PRKX: variants seen among roughly 807,000 people sequenced by gnomAD.
The protein encoded by PRKX is protein kinase cAMP-dependent X-linked catalytic subunit, also known as cAMP-dependent protein kinase catalytic subunit PRKX.
Under a neutral mutation model 22.0 loss-of-function variants are expected in PRKX, and 12 were observed. That is an observed-to-expected ratio of 0.54 (90% confidence interval 0.35 to 0.88). The LOEUF is 0.88. Ranked by LOEUF, PRKX falls within the 40% of genes least tolerant of loss-of-function variation. The pLI, the probability that PRKX is intolerant of heterozygous loss-of-function variation, is 0.01. For missense variants in PRKX, 217 were observed against 308.0 expected (o/e 0.70, Z 2.21); for synonymous variants, 134 against 137.7 (o/e 0.97, Z 0.19).
intron 4 of PRKX, among the ~76,000 whole-genome samples, chrX:3,634,660 A>C (rs1382415400): frequency 1.8e-5 from 2 of 111,306 alleles, no homozygotes; most frequent in Admixed American, 9.6e-5. Context: ...AGAGATTCAC[A>C]AAACCCAGAA....
intron 1 of PRKX, among the ~76,000 whole-genome samples, chrX:3,684,107 C>T (rs796118803): frequency 9.0e-6 from 1 of 110,634 alleles, no homozygotes; most frequent in Non-Finnish European, 1.9e-5. Context: ...AAAAATTAGC[C>T]GGGTGGTAGT....
rs1214786031 is a variant in PRKX at position 3,646,445 on chromosome X, CAG to C, written c.600-4476_600-4475del. 1.3e-4 allele frequency among the ~76,000 whole-genome samples: 14 copies of C among 111,930 alleles called. 1 individual carries two copies. The highest frequency in any genetic ancestry group is 2.3e-4 in the Non-Finnish European group (12 of 53,188). On this transcript the variant is annotated intron_variant, in intron 3 of 8. Coordinates refer to ENST00000262848, the MANE Select transcript of PRKX (RefSeq NM_005044.5). ...CATGGTGAGCATGTCACTCAGCTAA[CAG>C]GGGCATGGTAGGGCTCAGGAGGAAG...
At chrX:3,665,955 T>C (rs1458988703) in intron 2 of PRKX, among the ~76,000 whole-genome samples, 1 of 98,375 alleles carries the variant, frequency 1.0e-5, no homozygotes, top group Non-Finnish European at 2.1e-5. Context: ...GGGTGGCGGT[T>C]GCACAGAAAC....
intron 1 of PRKX, among the ~76,000 whole-genome samples, chrX:3,706,689 G>A (rs969978797): frequency 1.8e-5 from 2 of 112,159 alleles, no homozygotes; most frequent in Non-Finnish European, 3.8e-5. Flanking sequence ...CTTCTTTGCA[G>A]CGTGCCCATG....
At chrX:3,698,473 C>T (rs1019730017) in intron 1 of PRKX, among the ~76,000 whole-genome samples, 1 of 111,306 alleles carries the variant, frequency 9.0e-6, no homozygotes, top group Non-Finnish European at 1.9e-5. Context: ...AGGCATGAGC[C>T]ACCGTGTCCA....
chrX:3,618,631 T>A (rs1391110074), intron 6 of PRKX, among the ~76,000 whole-genome samples: 2 of 110,783 alleles, frequency 1.8e-5, no homozygotes, highest in African/African-American at 6.6e-5. Context: ...AAAAAAAAAA[T>A]AAAATAAAGT....
intron 3 of PRKX, among the ~76,000 whole-genome samples, chrX:3,652,695 T>G (rs974732920): frequency 8.9e-6 from 1 of 112,347 alleles, no homozygotes; most frequent in African/African-American, 3.2e-5. Flanking sequence ...AATGTATCCC[T>G]TAAACCTTAT....
chrX:3,635,074 CTGAT>C (rs1213407267), intron 4 of PRKX, among the ~76,000 whole-genome samples: 2 of 111,815 alleles, frequency 1.8e-5, no homozygotes, highest in Non-Finnish European at 3.8e-5. Context: ...ATGTTCTCCT[CTGAT>C]TATTTAACTT....
intron 1 of PRKX, among the ~76,000 whole-genome samples, chrX:3,676,620 G>A (rs1174053611): frequency 8.9e-6 from 1 of 112,310 alleles, no homozygotes; most frequent in East Asian, 2.8e-4. Flanking sequence ...ATTATGTTCA[G>A]TGAAATAAGA....
In PRKX at chrX:3,663,469, A is replaced by ACACACACACACAC. The variant is rs1569054438; in HGVS notation, c.336-8058_336-8057insGTGTGTGTGTGTG. ...ACACACACACACACACACACACACA[A>ACACACACACACAC]AAAAATTCAATTAGCTGGACATAGT... On this transcript the variant is annotated intron_variant, in intron 2 of 8. Coordinates refer to ENST00000262848, the MANE Select transcript of PRKX (RefSeq NM_005044.5). Among the ~76,000 whole-genome samples the ACACACACACACAC allele has an allele frequency of 8.9e-3, 470 of 52,825 alleles. 8 individuals carry two copies. The highest frequency in any genetic ancestry group is 0.015 in the Middle Eastern group (1 of 65). 45.9% of individuals were successfully genotyped at this position (52,825 alleles called of 115,157 possible).
chrX:3,713,157 TG>T lies in PRKX; in HGVS notation c.96del (p.Ser33AlafsTer34). 1 of 1,137,558 alleles carries T rather than the reference TG, an allele frequency of 8.8e-7. No homozygotes were observed. The allele number at this position is 1,137,558 out of a possible 1,213,427, so 93.7% of individuals were successfully genotyped here. A position where few individuals can be genotyped will look rare whatever the true frequency, so the allele number is the denominator to read the frequency against. On this transcript the variant is annotated frameshift_variant, in exon 1 of 9. Transcript: ENST00000262848. LOFTEE classifies it high-confidence loss of function. ...GGCTCCGGCGACAGCGCCTCAGGGCTGGGGCAGAGCGCGGGCGCCCCGTCGG... is the reference window on the plus strand; with the variant it reads ...GGCTCCGGCGACAGCGCCTCAGGGCTGGGCAGAGCGCGGGCGCCCCGTCGG... ...ETPDGAPALC[P>X]SPEALSPEPP...
intron 5 of PRKX, among the ~76,000 whole-genome samples, chrX:3,625,381 A>C (rs899050008): frequency 8.9e-6 from 1 of 111,802 alleles, no homozygotes; most frequent in African/African-American, 3.3e-5. Context: ...CCACCGGCTC[A>C]TAAGAAAATA....
At chrX:3,705,691 C>CTTTTTTTTTTTTTT (rs1365283802) in intron 1 of PRKX, among the ~76,000 whole-genome samples, 22 of 101,806 alleles carry the variant, frequency 2.2e-4, no homozygotes, top group African/African-American at 6.1e-4. Flanking sequence ...TTTTTCTTTT[C>CTTTTTTTTTTTTTT]TTTTTTTTTT....
At chrX:3,706,501 A>G (rs1303337643) in intron 1 of PRKX, among the ~76,000 whole-genome samples, 3 of 108,438 alleles carry the variant, frequency 2.8e-5, no homozygotes, top group Non-Finnish European at 5.7e-5. Flanking sequence ...TTGAATTTTT[A>G]TTTTTTGAGA....
intron 6 of PRKX, among the ~76,000 whole-genome samples, chrX:3,619,402 C>T (rs1239519748): frequency 5.4e-5 from 6 of 111,373 alleles, no homozygotes; most frequent in South Asian, 3.8e-4. Flanking sequence ...AATATATGCC[C>T]ATGTCCTGAC....
intron 2 of PRKX, among the ~76,000 whole-genome samples, chrX:3,666,152 ATTTTTTTTTTT>A (rs34567097): frequency 4.4e-5 from 3 of 68,106 alleles, no homozygotes; most frequent in Admixed American, 3.8e-4. Flanking sequence ...TGAACTGTAC[ATTTTTTTTTTT>A]TTTTTTTTTG....
chrX:3,643,156 T>C (rs1348017836), intron 3 of PRKX, among the ~76,000 whole-genome samples: 1 of 77,903 alleles, frequency 1.3e-5, no homozygotes, highest in Admixed American at 1.9e-4. Context: ...GAAACCAGTG[T>C]AAAGACAGAA....
At chrX:3,659,260 G>GA (rs760217375) in intron 2 of PRKX, among the ~76,000 whole-genome samples, 16,431 of 85,306 alleles carry the variant, frequency 0.19, 1,239 homozygotes, top group East Asian at 0.38. Flanking sequence ...TTTCTAAAAG[G>GA]AAAAAAAAAA....
rs775172353 is a variant in PRKX at position 3,694,774 on chromosome X, AAG to A, written c.166+18312_166+18313del. Reference sequence around the variant, plus strand: ...TAAATCCAATGACCAGTGTACTTCTAAGAGACAGAAGAGGAGACACAGGCACA... The same window carrying A: ...TAAATCCAATGACCAGTGTACTTCTAAGACAGAAGAGGAGACACAGGCACA... On this transcript the variant is annotated intron_variant, in intron 1 of 8. Transcript: ENST00000262848. Among the ~76,000 whole-genome samples, 7 of 111,024 alleles carry A rather than the reference AAG, an allele frequency of 6.3e-5. No individual in the cohort carries two copies. In the South Asian group the frequency reaches 2.7e-3, roughly 42 times the overall value.
Sources: allele counts gnomAD v4.1 joint callset (sites outside exome capture counted in the v4.1 genomes callset), GRCh38; gene constraint gnomAD v4.1.1; transcripts MANE v1.5; gene names NCBI Gene and HGNC (gene_info 2026-07-23, HGNC 2026-07-21).